The following SIGLEC15 variants were observed in gnomAD, a reference collection of about 807,000 sequenced individuals.
SIGLEC15 encodes the protein sialic acid-binding Ig-like lectin 15.
A neutral mutation model predicts 26.2 loss-of-function variants in SIGLEC15; 31 were observed. The ratio of observed to expected loss-of-function variants is 1.18; its 90% CI spans 0.89 to 1.60. SIGLEC15 has a LOEUF of 1.60. Ranked by LOEUF, SIGLEC15 falls within the 40% of genes most tolerant of loss-of-function variation. The pLI, the probability that SIGLEC15 is intolerant of heterozygous loss-of-function variation, is 0.00. For missense variants in SIGLEC15, 501 were observed against 488.4 expected, an observed-to-expected ratio of 1.03 and a Z score of -0.24; for synonymous variants, 207 against 221.9, an observed-to-expected ratio of 0.93 and a Z score of 0.60.
chr18:45,833,348 G>A (rs1368624891), intron 1 of SIGLEC15, among the ~76,000 whole-genome samples: 1 of 151,946 alleles, frequency 6.6e-6, no homozygotes, highest in Non-Finnish European at 1.5e-5. Context: ...GCAGAGTCTC[G>A]CTCTGTTGCC....
At chr18:45,828,114 C>T (rs1599386031) in intron 1 of SIGLEC15, among the ~76,000 whole-genome samples, 1 of 152,228 alleles carries the variant, frequency 6.6e-6, no homozygotes, top group Non-Finnish European at 1.5e-5. Context: ...ATCCAGGCCA[C>T]GGCCTGGGCA....
At chr18:45,830,648 C>T (rs2048227484) in intron 1 of SIGLEC15, among the ~76,000 whole-genome samples, 1 of 129,530 alleles carries the variant, frequency 7.7e-6, no homozygotes, top group Non-Finnish European at 1.6e-5. Context: ...TGCAGTGGCA[C>T]CATCTCAGCT....
At chr18:45,826,308 A>T (rs2048184767) in intron 1 of SIGLEC15, among the ~76,000 whole-genome samples, 1 of 152,118 alleles carries the variant, frequency 6.6e-6, no homozygotes, top group African/African-American at 2.4e-5. Flanking sequence ...TGGCAGGTTT[A>T]AGCAACAATG....
At chr18:45,826,438 T>C (rs1045221982) in intron 1 of SIGLEC15, among the ~76,000 whole-genome samples, 2 of 152,176 alleles carry the variant, frequency 1.3e-5, no homozygotes, top group Non-Finnish European at 2.9e-5. Flanking sequence ...TGCAGGTTCT[T>C]TGGCTCCACC....
Position 45,842,440 on chromosome 18 carries a change from TGTGA to T in SIGLEC15, c.*255_*258del, listed in dbSNP as rs796946144. On this transcript the variant is annotated 3_prime_UTR_variant, in exon 6 of 6. Coordinates refer to ENST00000389474, the MANE Select transcript of SIGLEC15 (RefSeq NM_213602.3). ...GCATACGTCTGTGTGTGTGTGTGTGTGTGAGAGAGAGAGAGAGAGAGTACACGCA... is the reference window on the plus strand; with the variant it reads ...GCATACGTCTGTGTGTGTGTGTGTGTGAGAGAGAGAGAGAGAGTACACGCA... 361 of 456,152 alleles carry T rather than the reference TGTGA, an allele frequency of 7.9e-4. No homozygotes were observed. The highest frequency in any genetic ancestry group is 3.0e-3 in the African/African-American group (144 of 48,126). The allele number at this position is 456,152 out of a possible 1,614,324, so 28.3% of individuals were successfully genotyped here.
chr18:45,827,090 A>G (rs1568076535), intron 1 of SIGLEC15, among the ~76,000 whole-genome samples: 1 of 152,082 alleles, frequency 6.6e-6, no homozygotes, highest in African/African-American at 2.4e-5. Context: ...AATTTTTTAA[A>G]TTTTTAGTAG....
chr18:45,826,862 A>C (rs1393788441), intron 1 of SIGLEC15, among the ~76,000 whole-genome samples: 2 of 152,134 alleles, frequency 1.3e-5, no homozygotes, highest in Non-Finnish European at 2.9e-5. Flanking sequence ...CATGCTGGGC[A>C]CTTTAGTAAC....
intron 1 of SIGLEC15, among the ~76,000 whole-genome samples, chr18:45,834,079 G>C (rs1191287880): frequency 6.6e-6 from 1 of 152,162 alleles, no homozygotes; most frequent in African/African-American, 2.4e-5. Context: ...TTGCTCTGCT[G>C]TTCCCTTTGC....
intron 5 of SIGLEC15, 38 bp downstream of exon 5, chr18:45,840,279 C>T: frequency 6.3e-7 from 1 of 1,588,620 alleles, no homozygotes; most frequent in Non-Finnish European, 8.6e-7. Context: ...CCCTACCCCA[C>T]CCACCTAGTC....
chr18:45,828,241 C>T (rs1777954846), intron 1 of SIGLEC15, among the ~76,000 whole-genome samples: 1 of 152,180 alleles, frequency 6.6e-6, no homozygotes, highest in Non-Finnish European at 1.5e-5. Context: ...CCCAGAACAG[C>T]CCCTTGGTGA....
chr18:45,840,124 C>A, intron 4 of SIGLEC15, 87 bp from the exon 5 acceptor site: 1 of 1,487,630 alleles, frequency 6.7e-7, no homozygotes, highest in Non-Finnish European at 9.3e-7. Context: ...CTCGAGACCC[C>A]TTCCACATGG....
At position 45,842,454 on chromosome 18, in the gene SIGLEC15, AGAG is replaced by A; in HGVS notation, c.*268_*270del. On this transcript the variant is annotated 3_prime_UTR_variant, in exon 6 of 6. Transcript: ENST00000389474. ...GTGTGTGTGTGTGTGAGAGAGAGAG[AGAG>A]AGAGTACACGCATTAGCTTGAGCGT... The A allele has an allele frequency of 2.1e-6, 1 of 478,910 alleles. No homozygotes were observed. Among genetic ancestry groups the A allele is most frequent in the East Asian group, 3.4e-5 (1 of 29,094 alleles). The allele number at this position is 478,910 out of a possible 1,614,324, so 29.7% of individuals were successfully genotyped here.
In SIGLEC15 at chr18:45,842,775, C is replaced by T. The variant is rs192671097; in HGVS notation, c.*588C>T. ...AGCCATCTTCTCATGAGGGGCATGA[C>T]AGAACCCTCTTTGCAGAGTGACCTT... On this transcript the variant is annotated 3_prime_UTR_variant, in exon 6 of 6. Coordinates refer to ENST00000389474, the MANE Select transcript of SIGLEC15 (RefSeq NM_213602.3). The T allele has an allele frequency of 2.6e-5, 4 of 154,278 alleles. No individual in the cohort carries two copies. The highest frequency in any genetic ancestry group is 9.6e-5 in the African/African-American group (4 of 41,592). The allele number at this position is 154,278 out of a possible 1,614,324, so 9.6% of individuals were successfully genotyped here.
chr18:45,834,112 C>T (rs112699303), intron 1 of SIGLEC15, among the ~76,000 whole-genome samples: 13 of 152,296 alleles, frequency 8.5e-5, no homozygotes, highest in African/African-American at 2.9e-4. Context: ...CTCAAGGCTT[C>T]GTGCAGTCCC....
chr18:45,840,343 G>T, intron 5 of SIGLEC15, 102 bp downstream of exon 5: 2 of 1,343,338 alleles, frequency 1.5e-6, no homozygotes, highest in Non-Finnish European at 2.1e-6. Flanking sequence ...AAGGGCTGGG[G>T]CTGGGGTCCT....
At chr18:45,835,863 A>G (rs1179866159) in intron 1 of SIGLEC15, among the ~76,000 whole-genome samples, 1 of 152,192 alleles carries the variant, frequency 6.6e-6, no homozygotes, top group South Asian at 2.1e-4. Context: ...GGAAGAGGAC[A>G]GTGAGGATGA....
chr18:45,828,893 G>A (rs2048208772), intron 1 of SIGLEC15, among the ~76,000 whole-genome samples: 1 of 152,258 alleles, frequency 6.6e-6, no homozygotes, highest in African/African-American at 2.4e-5. Context: ...GCAAAGGTCA[G>A]GACCGGAGGA....
Position 45,838,921 on chromosome 18 carries a change from C to T in SIGLEC15, c.700C>T (p.Arg234Cys), listed in dbSNP as rs779280228. ...ACTGCCCGCACTGACCCATGACGGC[C>T]GCTACACGTGTACGGCCGCCAACAG... ...AELPALTHDG[R>C]YTCTAANSLG... The change falls in exon 4 of 6, where the codon CGC (arginine) becomes TGC (cysteine). Residue 234 changes from arginine to cysteine, a missense_variant. Transcript: ENST00000389474. 1.9e-6 allele frequency: 3 copies of T among 1,603,734 alleles called. No homozygotes were observed. The highest frequency in any genetic ancestry group is 1.7e-5 in the Admixed American group (1 of 59,660).
At chr18:45,837,425 G>C in intron 2 of SIGLEC15, 88 bp from the exon 3 acceptor site, 8 of 1,391,226 alleles carry the variant, frequency 5.8e-6, no homozygotes, top group Non-Finnish European at 7.4e-6. Context: ...TTGGGGGAGC[G>C]TTTCCTGGGT....
Sources: gnomAD v4.1 joint callset for allele counts (sites outside exome capture counted in the v4.1 genomes callset) on GRCh38, gnomAD v4.1.1 for gene constraint, MANE v1.5 for transcripts, NCBI Gene and HGNC (gene_info 2026-07-23, HGNC 2026-07-21) for gene names.